TBCD: variants seen among roughly 807,000 people sequenced by gnomAD.
TBCD encodes tubulin folding cofactor D, also known as tubulin-specific chaperone D.
A neutral mutation model predicts 169.3 loss-of-function variants in TBCD; 105 were observed. The ratio of observed to expected loss-of-function variants is 0.62; its 90% CI spans 0.53 to 0.73. TBCD has a LOEUF of 0.73. Ranked by LOEUF, TBCD falls within the 30% of genes least tolerant of loss-of-function variation. The pLI, the probability that TBCD is intolerant of heterozygous loss-of-function variation, is 0.00. For synonymous variants in TBCD, 700 were observed against 643.9 expected (o/e 1.09, Z -1.32); for missense variants, 1,444 against 1,600.1 (o/e 0.90, Z 1.66).
In TBCD at chr17:82,756,113, T is replaced by C. The variant is rs2047387954; in HGVS notation, c.185-52T>C. The C allele has an allele frequency of 1.0e-5, 15 of 1,507,018 alleles. No homozygotes were observed. The Admixed American group carries it at 2.9e-4, about 29-fold the overall frequency. The allele number at this position is 1,507,018 out of a possible 1,614,324, so 93.4% of individuals were successfully genotyped here. A position where few individuals can be genotyped will look rare whatever the true frequency, so the allele number is the denominator to read the frequency against. On this transcript the variant is annotated intron_variant, in intron 1 of 38. Transcript: ENST00000355528. The stretch of plus-strand genomic sequence containing the variant: ...GGGAAAATGGGGTTTCTGAGGCTCA[T>C]GGGTATGTTTGGCCTAGTGATAATT...
At chr17:82,770,131 T>C (rs1490131739) in intron 5 of TBCD, among the ~76,000 whole-genome samples, 1 of 152,212 alleles carries the variant, frequency 6.6e-6, no homozygotes, top group African/African-American at 2.4e-5. Context: ...CATTGCCCCA[T>C]GACCTGCTGT....
rs766327335 is a variant in TBCD at position 82,874,453 on chromosome 17, G to A, written c.1475+4073G>A. On this transcript the variant is annotated intron_variant, in intron 14 of 38. Coordinates refer to ENST00000355528, the MANE Select transcript of TBCD (RefSeq NM_005993.5). The surrounding 1 kb of genome is among the most constrained non-coding windows in gnomAD (Gnocchi z 5.0). The stretch of plus-strand genomic sequence containing the variant: ...GCTCCCGGGTTCCCTTGCGCACACC[G>A]AGCCAGCAGCTGCTGGGGCCTCAGG... Among the ~76,000 whole-genome samples, 13 of 152,104 alleles carry A rather than the reference G, an allele frequency of 8.5e-5. No individual in the cohort carries two copies. The highest frequency in any genetic ancestry group is 1.8e-4 in the Non-Finnish European group (12 of 67,994).
At chr17:82,913,391 A>G (rs74001715) in intron 23 of TBCD, 1 of 152,194 alleles carries the variant, frequency 6.6e-6, no homozygotes, top group Non-Finnish European at 1.5e-5. Context: ...ACTGCCCACC[A>G]TGAAAGGGGG....
intron 37 of TBCD, among the ~76,000 whole-genome samples, chr17:82,940,432 G>A (rs1812751348): frequency 6.6e-6 from 1 of 152,144 alleles, no homozygotes; most frequent in South Asian, 2.1e-4. Context: ...GTTGCTACAG[G>A]TCTGTGGGGT....
chr17:82,917,725 C>A lies in TBCD; in HGVS notation c.2039-2831C>A, dbSNP rs758910189. Among the ~76,000 whole-genome samples, 12 of 152,354 alleles carry A rather than the reference C, an allele frequency of 7.9e-5. 2 individuals are homozygous for A. In the Middle Eastern group the frequency reaches 0.02, roughly 259 times the overall value. ...TACACCTATTTCTAGGTGTGGTCCT[C>A]TGGGTTCAGAGCCTGTGGTGAGGGC... On this transcript the variant is annotated intron_variant, in intron 23 of 38. Coordinates refer to ENST00000355528, the MANE Select transcript of TBCD (RefSeq NM_005993.5).
At chr17:82,900,196 G>A (rs1434993205) in intron 17 of TBCD, among the ~76,000 whole-genome samples, 1 of 152,156 alleles carries the variant, frequency 6.6e-6, no homozygotes, top group East Asian at 1.9e-4. Flanking sequence ...TTCCCGCCTC[G>A]GTCCTCCCCC....
intron 12 of TBCD, among the ~76,000 whole-genome samples, chr17:82,810,131 G>T (rs1010630413): frequency 6.6e-6 from 1 of 152,198 alleles, no homozygotes; most frequent in Non-Finnish European, 1.5e-5. Flanking sequence ...TTAGCCACGT[G>T]TATCACTCAG....
At chr17:82,902,940 T>C (rs941439411) in intron 18 of TBCD, among the ~76,000 whole-genome samples, 1 of 152,138 alleles carries the variant, frequency 6.6e-6, no homozygotes, top group Non-Finnish European at 1.5e-5. Context: ...GGTCAGCCTT[T>C]CGCGGTCCGC....
At chr17:82,863,312 AC>A (rs1473007169) in intron 13 of TBCD, among the ~76,000 whole-genome samples, 2 of 152,138 alleles carry the variant, frequency 1.3e-5, no homozygotes, top group African/African-American at 2.4e-5. Context: ...TGTGCCTGGA[AC>A]CTTTAGGTGC....
intron 7 of TBCD, 108 bp from the exon 8 acceptor site, chr17:82,797,649 T>A: frequency 1.2e-6 from 1 of 836,938 alleles, no homozygotes; most frequent in Non-Finnish European, 1.8e-6. Flanking sequence ...GGTGAGTGTT[T>A]AGAATAAAAA....
intron 17 of TBCD, 67 bp downstream of exon 17, chr17:82,893,699 T>C: frequency 8.3e-7 from 1 of 1,201,640 alleles, no homozygotes; most frequent in Non-Finnish European, 1.2e-6. Flanking sequence ...AGAAATCAGC[T>C]ACCACCATTT....
intron 13 of TBCD, among the ~76,000 whole-genome samples, chr17:82,840,787 C>T (rs916613747): frequency 5.3e-5 from 8 of 152,024 alleles, no homozygotes; most frequent in South Asian, 2.1e-4. Context: ...CTTGCTTAAT[C>T]GGAGGCCGCA....
At chr17:82,767,694 T>C (rs985226941) in intron 4 of TBCD, among the ~76,000 whole-genome samples, 2 of 152,060 alleles carry the variant, frequency 1.3e-5, no homozygotes, top group Admixed American at 1.3e-4. Flanking sequence ...CGGTGGCTCG[T>C]GCCTGTAATC....
At chr17:82,848,290 T>C (rs1419543445) in intron 13 of TBCD, among the ~76,000 whole-genome samples, 1 of 152,202 alleles carries the variant, frequency 6.6e-6, no homozygotes, top group East Asian at 1.9e-4. Flanking sequence ...TTAAACAGCG[T>C]CCTGTCGCTC....
chr17:82,838,715 AACCAAG>A (rs1431519709), intron 13 of TBCD: 2 of 985,312 alleles, frequency 2.0e-6, no homozygotes, highest in Non-Finnish European at 2.4e-6. Context: ...ACCTCAGGAC[AACCAAG>A]ACCTGGGGAA....
intron 20 of TBCD, among the ~76,000 whole-genome samples, chr17:82,906,259 C>A (rs2060243580): frequency 6.6e-6 from 1 of 152,188 alleles, no homozygotes; most frequent in Admixed American, 6.5e-5. Flanking sequence ...GGTGGACCAC[C>A]CACCTCTTCA....
Position 82,782,292 on chromosome 17 carries a change from C to T in TBCD, c.771+571C>T, listed in dbSNP as rs547551209. Reference sequence around the variant, plus strand: ...GGAAAGGTCAAGTCTCAGAAGAGGGCAAAGCCTCTTTTGGGTCAGCGTCCT... The same window carrying T: ...GGAAAGGTCAAGTCTCAGAAGAGGGTAAAGCCTCTTTTGGGTCAGCGTCCT... On this transcript the variant is annotated intron_variant, in intron 7 of 38. Coordinates refer to ENST00000355528, the MANE Select transcript of TBCD (RefSeq NM_005993.5). This position sits in a 1 kb window ranked among gnomAD's most constrained non-coding sequence, Gnocchi z 5.1. Among the ~76,000 whole-genome samples, 17 of 152,224 alleles carry T rather than the reference C, an allele frequency of 1.1e-4. No individual in the cohort carries two copies. The highest frequency in any genetic ancestry group is 1.8e-4 in the Non-Finnish European group (12 of 68,044).
chr17:82,758,384 G>GAAAAAAAAAAAAAAAAAAAAAAAAAA (rs71168146), intron 2 of TBCD, among the ~76,000 whole-genome samples: 6 of 24,964 alleles, frequency 2.4e-4, no homozygotes, highest in African/African-American at 3.0e-4. Flanking sequence ...AAACGTCTCG[G>GAAAAAAAAAAAAAAAAAAAAAAAAAA]AAAAAAAAAA....
chr17:82,809,780 C>G lies in TBCD; in HGVS notation c.1221C>G (p.Phe407Leu). The G allele has an allele frequency of 6.2e-7, 1 of 1,613,366 alleles. No homozygotes were observed. The highest frequency in any genetic ancestry group is 2.2e-5 in the East Asian group (1 of 44,862). Reference sequence around the variant, plus strand: ...TGGTCGGGTCTGTGCTGGACTGCTTCAGGTATGTGAGAAGAGCAGGGGAGG... The same window carrying G: ...TGGTCGGGTCTGTGCTGGACTGCTTGAGGTATGTGAGAAGAGCAGGGGAGG... ...DDVVGSVLDC[F>L]SFQETDKAWH... The change falls in exon 12 of 39, where the codon TTC becomes TTG. Residue 407 changes from phenylalanine to leucine, a missense_variant and splice_region_variant. By Grantham distance (22) the Phe-to-Leu change is conservative (BLOSUM62 0). Transcript: ENST00000355528.
Sources: allele counts gnomAD v4.1 joint callset (sites outside exome capture counted in the v4.1 genomes callset), GRCh38; gene constraint gnomAD v4.1.1; non-coding constraint Gnocchi (gnomAD v3.1); transcripts MANE v1.5; gene names NCBI Gene and HGNC (gene_info 2026-07-23, HGNC 2026-07-21).